CLASP2: variants seen among roughly 807,000 people sequenced by gnomAD.
CLASP2 encodes CLIP-associating protein 2.
Under a neutral mutation model 194.4 loss-of-function variants are expected in CLASP2, and 47 were observed. That is an observed-to-expected ratio of 0.24 (90% CI 0.19 to 0.31). The LOEUF (loss-of-function observed/expected upper bound fraction) is 0.31. CLASP2 is among the 10% of genes least tolerant of loss of function. CLASP2 has a pLI of 1.00. For missense variants in CLASP2, 1,445 were observed against 1,823.6 expected (o/e 0.79, Z 3.78); for synonymous variants, 619 against 633.5 (o/e 0.98, Z 0.34).
intron 1 of CLASP2, among the ~76,000 whole-genome samples, chr3:33,709,894 C>G (rs2092918144): frequency 6.6e-6 from 1 of 152,156 alleles, no homozygotes; most frequent in South Asian, 2.1e-4. Flanking sequence ...GAACCCTGCA[C>G]ATGTGACATC....
chr3:33,575,414 T>A (rs756715215), intron 24 of CLASP2, among the ~76,000 whole-genome samples: 5 of 152,150 alleles, frequency 3.3e-5, no homozygotes, highest in Non-Finnish European at 5.9e-5. Context: ...TATTTTTTTT[T>A]AATTTCAAAA....
intron 1 of CLASP2, among the ~76,000 whole-genome samples, chr3:33,706,744 T>C (rs952315236): frequency 2.0e-5 from 3 of 152,080 alleles, no homozygotes; most frequent in African/African-American, 4.8e-5. Context: ...GGAGGAATGC[T>C]TGAGCCCAGG....
rs1340792302 is a variant in CLASP2 at position 33,497,146 on chromosome 3, C to G, written c.*1485G>C. The G allele has an allele frequency of 6.6e-6, 1 of 152,486 alleles. No individual in the cohort carries two copies. 9.4% of individuals were successfully genotyped at this position (152,486 alleles called of 1,614,324 possible). On this transcript the variant is annotated 3_prime_UTR_variant, in exon 39 of 39. Coordinates refer to ENST00000682230, the MANE Select transcript of CLASP2 (RefSeq NM_001365631.1). ...AGAGAAACTTTTCCTGCTGCTAGAACAGAAAGAAAGGGGAAAGCCTATGAC... is the reference window on the plus strand; with the variant it reads ...AGAGAAACTTTTCCTGCTGCTAGAAGAGAAAGAAAGGGGAAAGCCTATGAC...
chr3:33,692,655 C>G (rs1158007267), intron 2 of CLASP2, among the ~76,000 whole-genome samples: 4 of 152,154 alleles, frequency 2.6e-5, no homozygotes, highest in African/African-American at 9.7e-5. Flanking sequence ...CCTCACATGA[C>G]TAGTGACAGG....
chr3:33,551,291 G>A lies in CLASP2; in HGVS notation c.3114C>T (p.Ile1038=), dbSNP rs1439602289. ...SETRLAVSRV[I]TWTTEPKSSD... ...AACTTTTGGGTTCTGTTGTCCAAGT[G>A]ATGACCCGAGACACTGCTAGGCGAG... The change falls in exon 30 of 39, where the codon ATC becomes ATT. Residue 1038 remains isoleucine, a synonymous_variant. Transcript: ENST00000682230. 3.1e-6 allele frequency: 5 copies of A among 1,613,438 alleles called. No individual in the cohort carries two copies. The East Asian group carries it at 1.1e-4, about 36-fold the overall frequency.
intron 8 of CLASP2, among the ~76,000 whole-genome samples, chr3:33,637,438 G>A (rs2080360229): frequency 6.6e-6 from 1 of 152,120 alleles, no homozygotes. Flanking sequence ...AAAGGCCGAG[G>A]CAGGAGAATC....
intron 34 of CLASP2, among the ~76,000 whole-genome samples, chr3:33,526,291 T>C (rs928203594): frequency 6.6e-6 from 1 of 152,028 alleles, no homozygotes; most frequent in African/African-American, 2.4e-5. Flanking sequence ...GAGGAAAATC[T>C]ACCAAGCAAA....
intron 1 of CLASP2, among the ~76,000 whole-genome samples, chr3:33,701,349 C>T (rs1356878708): frequency 6.6e-6 from 1 of 152,228 alleles, no homozygotes; most frequent in Non-Finnish European, 1.5e-5. Context: ...GAGGCACATG[C>T]CTGTAATCCC....
rs184504370 is a variant in CLASP2 at position 33,539,482 on chromosome 3, C to T, written c.3405-540G>A. 1.9e-4 allele frequency among the ~76,000 whole-genome samples: 29 copies of T among 151,910 alleles called. No individual in the cohort carries two copies. The South Asian group carries it at 3.3e-3, about 17-fold the overall frequency. The stretch of plus-strand genomic sequence containing the variant: ...CCCGAGTAGCTGGGATTACAGGCGC[C>T]GGCCACCACACCTGGCTAATTTTTG... On this transcript the variant is annotated intron_variant, in intron 32 of 38. Coordinates refer to ENST00000682230, the MANE Select transcript of CLASP2 (RefSeq NM_001365631.1).
At chr3:33,676,033 C>T (rs2154340621) in intron 6 of CLASP2, among the ~76,000 whole-genome samples, 1 of 151,914 alleles carries the variant, frequency 6.6e-6, no homozygotes, top group South Asian at 2.1e-4. Context: ...GATTCAATGC[C>T]ATCCCCATCA....
At chr3:33,513,994 A>ATTTTTAT (rs2050610453) in intron 36 of CLASP2, among the ~76,000 whole-genome samples, 1 of 151,692 alleles carries the variant, frequency 6.6e-6, no homozygotes, top group Non-Finnish European at 1.5e-5. Context: ...TTTTTTATTT[A>ATTTTTAT]TTTTTATTTT....
At chr3:33,527,873 G>C (rs1428649867) in intron 34 of CLASP2, among the ~76,000 whole-genome samples, 1 of 152,094 alleles carries the variant, frequency 6.6e-6, no homozygotes, top group Non-Finnish European at 1.5e-5. Context: ...TGAGGCAGGA[G>C]AATTACTTGA....
Position 33,635,632 on chromosome 3 carries a change from A to G in CLASP2, c.863-3261T>C, listed in dbSNP as rs137999726. On this transcript the variant is annotated intron_variant, in intron 8 of 38. Transcript: ENST00000682230. ...AAGAAATTTTGATATATGAAAAAGAAGTGATTCAGATCAAAGGGGAAGGTA... is the reference window on the plus strand; with the variant it reads ...AAGAAATTTTGATATATGAAAAAGAGGTGATTCAGATCAAAGGGGAAGGTA... Among the ~76,000 whole-genome samples, 8 of 152,376 alleles carry G rather than the reference A, an allele frequency of 5.3e-5. No homozygotes were observed. The East Asian group carries it at 1.5e-3, about 29-fold the overall frequency.
chr3:33,688,393 T>C, intron 3 of CLASP2, 25 bp from the exon 4 acceptor site: 1 of 1,508,622 alleles, frequency 6.6e-7, no homozygotes, highest in Non-Finnish European at 9.0e-7. Context: ...AGTAAAAACG[T>C]ATAACAAAAA....
chr3:33,575,407 T>A (rs1022904451), intron 24 of CLASP2, among the ~76,000 whole-genome samples: 1 of 151,668 alleles, frequency 6.6e-6, no homozygotes, highest in African/African-American at 2.4e-5. Flanking sequence ...GGAAGCATAT[T>A]TTTTTTTAAT....
chr3:33,516,396 G>A (rs937367959), intron 35 of CLASP2, among the ~76,000 whole-genome samples: 1 of 152,144 alleles, frequency 6.6e-6, no homozygotes, highest in Non-Finnish European at 1.5e-5. Context: ...AGCTGGGCAC[G>A]GTGGCTCATG....
intron 34 of CLASP2, among the ~76,000 whole-genome samples, chr3:33,523,435 T>C (rs534028183): frequency 6.6e-6 from 1 of 152,096 alleles, no homozygotes; most frequent in African/African-American, 2.4e-5. Context: ...ACCAGTGACA[T>C]AAAAAGGATC....
At chr3:33,696,467 C>CTT (rs527665599) in intron 2 of CLASP2, among the ~76,000 whole-genome samples, 53 of 117,990 alleles carry the variant, frequency 4.5e-4, no homozygotes, top group East Asian at 2.4e-3. Flanking sequence ...CATAACATTA[C>CTT]TTTTTTTTTT....
chr3:33,579,405 C>T (rs975592629), intron 23 of CLASP2, among the ~76,000 whole-genome samples: 1 of 152,162 alleles, frequency 6.6e-6, no homozygotes, highest in Non-Finnish European at 1.5e-5. Context: ...TAATCTCTAA[C>T]TATTGTACAG....
Sources: gnomAD v4.1 joint callset for allele counts (sites outside exome capture counted in the v4.1 genomes callset) on GRCh38, gnomAD v4.1.1 for gene constraint, MANE v1.5 for transcripts, NCBI Gene and HGNC (gene_info 2026-07-23, HGNC 2026-07-21) for gene names.